The following CATSPERB variants were observed in gnomAD, a reference collection of about 807,000 sequenced individuals.
The protein encoded by CATSPERB is cation channel sperm-associated auxiliary subunit beta.
In CATSPERB, 93 loss-of-function variants were observed where a neutral mutation model predicts 128.3. The ratio of observed to expected loss-of-function variants is 0.72; its 90% CI spans 0.61 to 0.86. CATSPERB has a LOEUF of 0.86. Among genes scored for constraint, CATSPERB ranks in the 40% least tolerant of loss-of-function variants. CATSPERB has a pLI of 0.00. For synonymous variants in CATSPERB, 381 were observed against 448.8 expected (o/e 0.85, Z 1.91); for missense variants, 1,153 against 1,329.5 (o/e 0.87, Z 2.06).
At chr14:91,651,997 G>A (rs1196520975) in intron 15 of CATSPERB, among the ~76,000 whole-genome samples, 1 of 152,066 alleles carries the variant, frequency 6.6e-6, no homozygotes, top group Non-Finnish European at 1.5e-5. Flanking sequence ...CAGAAAACAG[G>A]AGAATATCTT....
At chr14:91,632,102 A>C (rs112748758) in intron 17 of CATSPERB, among the ~76,000 whole-genome samples, 1,609 of 152,270 alleles carry the variant, frequency 0.011, 29 homozygotes, top group African/African-American at 0.037. Context: ...GAATGAAGAC[A>C]AATATATTAG....
Position 91,676,644 on chromosome 14 carries a change from AG to A in CATSPERB, c.932-2423del, listed in dbSNP as rs1297143995. On this transcript the variant is annotated intron_variant, in intron 11 of 26. Coordinates refer to ENST00000256343, the MANE Select transcript of CATSPERB (RefSeq NM_024764.4). ...ACATTGGAAGCTCATTTGGAATGGA[AG>A]AAAAAAAGGATAAAAGAGACTTTTA... 2.0e-5 allele frequency among the ~76,000 whole-genome samples: 3 copies of A among 152,276 alleles called. No individual in the cohort carries two copies. In the East Asian group the frequency reaches 5.8e-4, roughly 29 times the overall value.
chr14:91,716,877 T>A (rs1895952438), intron 5 of CATSPERB, among the ~76,000 whole-genome samples: 2 of 152,128 alleles, frequency 1.3e-5, no homozygotes, highest in Admixed American at 1.3e-4. Context: ...ATACTTACCA[T>A]ACAACACAGT....
intron 14 of CATSPERB, among the ~76,000 whole-genome samples, chr14:91,663,404 C>T (rs188192786): frequency 2.6e-4 from 40 of 152,004 alleles, no homozygotes; most frequent in Admixed American, 1.3e-3. Flanking sequence ...GGTGCTCAAA[C>T]GGAGGCTGAG....
chr14:91,606,838 G>A (rs180972133), intron 22 of CATSPERB, among the ~76,000 whole-genome samples: 534 of 151,294 alleles, frequency 3.5e-3, no homozygotes, highest in Non-Finnish European at 6.1e-3. Flanking sequence ...TAATCATTAG[G>A]TGTACATACA....
At chr14:91,696,767 G>T (rs1392231189) in intron 7 of CATSPERB, among the ~76,000 whole-genome samples, 1 of 152,168 alleles carries the variant, frequency 6.6e-6, no homozygotes, top group Admixed American at 6.5e-5. Flanking sequence ...GTAAGAGCAA[G>T]GTTGTTCAGA....
chr14:91,672,832 G>A (rs765717800), intron 13 of CATSPERB, 35 bp downstream of exon 13: 2 of 1,472,974 alleles, frequency 1.4e-6, no homozygotes, highest in Middle Eastern at 3.7e-4. Context: ...TTGTTGTCAT[G>A]TCAAGATAAA....
chr14:91,711,620 T>C (rs1895841214), intron 5 of CATSPERB, among the ~76,000 whole-genome samples: 1 of 152,180 alleles, frequency 6.6e-6, no homozygotes, highest in Admixed American at 6.5e-5. Context: ...TGAAAAAATA[T>C]GACACTAATC....
At chr14:91,695,409 G>A (rs763883354) in intron 7 of CATSPERB, among the ~76,000 whole-genome samples, 12 of 152,164 alleles carry the variant, frequency 7.9e-5, no homozygotes, top group Non-Finnish European at 4.4e-5. Context: ...GAAATTACAG[G>A]TGTGAGCCAC....
chr14:91,699,591 TA>T (rs1481323936), intron 7 of CATSPERB, among the ~76,000 whole-genome samples: 5 of 151,504 alleles, frequency 3.3e-5, no homozygotes, highest in African/African-American at 9.7e-5. Context: ...TTTTTTTTTT[TA>T]GATGGAGTTT....
At chr14:91,635,473 C>T (rs1743128) in intron 17 of CATSPERB, 36,137 of 151,876 alleles carry the variant, frequency 0.24, 4,497 homozygotes, top group South Asian at 0.37. Context: ...TATTGTGCCT[C>T]GGTCTTCCCA....
At chr14:91,681,828 T>C (rs1895286293) in intron 11 of CATSPERB, among the ~76,000 whole-genome samples, 1 of 152,318 alleles carries the variant, frequency 6.6e-6, no homozygotes, top group East Asian at 1.9e-4. Context: ...AATTAAACCC[T>C]GGATACATCA....
intron 7 of CATSPERB, among the ~76,000 whole-genome samples, chr14:91,701,207 A>C (rs1301157946): frequency 6.6e-6 from 1 of 152,180 alleles, no homozygotes; most frequent in African/African-American, 2.4e-5. Context: ...AAATGCTGGC[A>C]ACCAAGAAAA....
At chr14:91,721,694 C>T (rs112362169) in intron 4 of CATSPERB, among the ~76,000 whole-genome samples, 1 of 151,802 alleles carries the variant, frequency 6.6e-6, no homozygotes, top group Non-Finnish European at 1.5e-5. Context: ...ACTAAAAATA[C>T]AAAAAATTAG....
At chr14:91,620,304 A>G (rs1192636767) in intron 19 of CATSPERB, among the ~76,000 whole-genome samples, 1 of 152,108 alleles carries the variant, frequency 6.6e-6, no homozygotes, top group Non-Finnish European at 1.5e-5. Flanking sequence ...TCCACAAAGT[A>G]GTAAGGCCCA....
At chr14:91,718,939 C>A (rs951375464) in intron 5 of CATSPERB, among the ~76,000 whole-genome samples, 1 of 152,048 alleles carries the variant, frequency 6.6e-6, no homozygotes, top group African/African-American at 2.4e-5. Context: ...TTCACTAGAT[C>A]AATACTCACA....
At chr14:91,594,917 G>A (rs1893477242) in intron 22 of CATSPERB, among the ~76,000 whole-genome samples, 1 of 152,050 alleles carries the variant, frequency 6.6e-6, no homozygotes, top group African/African-American at 2.4e-5. Context: ...TTTTAAGAAA[G>A]CACAGCTTAG....
chr14:91,639,286 T>C (rs1487997946), intron 15 of CATSPERB, 36 bp from the exon 16 acceptor site: 1 of 1,582,988 alleles, frequency 6.3e-7, no homozygotes, highest in Non-Finnish European at 8.6e-7. Flanking sequence ...TTGATACTGA[T>C]GTAACAGAAG....
chr14:91,689,546 A>G (rs776386541), intron 10 of CATSPERB, among the ~76,000 whole-genome samples: 4 of 152,096 alleles, frequency 2.6e-5, no homozygotes, highest in Non-Finnish European at 5.9e-5. Flanking sequence ...TTTAAAATAT[A>G]TATTATCTTT....
Sources: allele counts gnomAD v4.1 joint callset (sites outside exome capture counted in the v4.1 genomes callset), GRCh38; gene constraint gnomAD v4.1.1; transcripts MANE v1.5; gene names NCBI Gene and HGNC (gene_info 2026-07-23, HGNC 2026-07-21).